TMPRSS12: variants seen among roughly 807,000 people sequenced by gnomAD.
The protein encoded by TMPRSS12 is transmembrane protease serine 12.
A neutral mutation model predicts 26.0 loss-of-function variants in TMPRSS12; 25 were observed. The ratio of observed to expected loss-of-function variants is 0.96; its 90% CI spans 0.70 to 1.34. The LOEUF (loss-of-function observed/expected upper bound fraction) is 1.34. TMPRSS12 is among the 40% of genes most tolerant of loss of function. The pLI, the probability that TMPRSS12 is intolerant of heterozygous loss-of-function variation, is 0.00. For synonymous variants in TMPRSS12, 150 were observed against 161.7 expected, an observed-to-expected ratio of 0.93 and a Z score of 0.55; for missense variants, 441 against 440.1, an observed-to-expected ratio of 1.00 and a Z score of -0.02.
intron 3 of TMPRSS12, among the ~76,000 whole-genome samples, chr12:50,866,313 G>C (rs1484751635): frequency 6.6e-6 from 1 of 152,120 alleles, no homozygotes; most frequent in Admixed American, 6.5e-5. Flanking sequence ...GAGTGAGACT[G>C]GCCCTTTGGA....
At chr12:50,872,284 C>G (rs572938352) in intron 3 of TMPRSS12, among the ~76,000 whole-genome samples, 1 of 151,218 alleles carries the variant, frequency 6.6e-6, no homozygotes, top group Non-Finnish European at 1.5e-5. Flanking sequence ...GAGGCCGAGG[C>G]GGGTGGATCA....
Position 50,843,121 on chromosome 12 carries a change from C to A in TMPRSS12, c.157C>A (p.Arg53=), listed in dbSNP as rs771915335. Residue 53 remains arginine, a synonymous_variant, in exon 1 of 5, where the codon CGG becomes AGG. Transcript: ENST00000398458. ...TGAGGCCGTCCGCAAGAGGCTCCGG[C>A]GGCGGAGGGAGGGAGGGGCGCATGC... ...QAEAVRKRLR[R]RREGGAHAED... is the part of the protein sequence containing the mutation. 6.4e-6 allele frequency: 10 copies of A among 1,574,666 alleles called. No homozygotes were observed. The highest frequency in any genetic ancestry group is 8.6e-6 in the Non-Finnish European group (10 of 1,159,912).
chr12:50,873,591 T>C (rs993045729), intron 3 of TMPRSS12, among the ~76,000 whole-genome samples: 1 of 152,092 alleles, frequency 6.6e-6, no homozygotes, highest in Non-Finnish European at 1.5e-5. Context: ...AATATATAGG[T>C]AAATGTAAAT....
chr12:50,869,622 A>G (rs902257041), intron 3 of TMPRSS12, among the ~76,000 whole-genome samples: 3 of 152,212 alleles, frequency 2.0e-5, no homozygotes, highest in African/African-American at 7.2e-5. Context: ...AGATAGAGAA[A>G]GACAGATTCC....
intron 1 of TMPRSS12, 52 bp from the exon 2 acceptor site, chr12:50,843,790 T>G (rs1454823254): frequency 6.6e-7 from 1 of 1,513,700 alleles, no homozygotes; most frequent in African/African-American, 1.4e-5. Flanking sequence ...GCTTAGGAAG[T>G]AACACATACT....
intron 2 of TMPRSS12, among the ~76,000 whole-genome samples, chr12:50,853,581 CA>C (rs34657217): frequency 0.052 from 5,288 of 102,378 alleles, 349 homozygotes; most frequent in African/African-American, 0.18. Flanking sequence ...GCTAGACTAA[CA>C]AAAAAAAAAA....
chr12:50,871,517 T>C (rs1293005982), intron 3 of TMPRSS12, among the ~76,000 whole-genome samples: 1 of 152,168 alleles, frequency 6.6e-6, no homozygotes, highest in Non-Finnish European at 1.5e-5. Context: ...GGAAAAACCC[T>C]TCTAGATATT....
intron 3 of TMPRSS12, among the ~76,000 whole-genome samples, chr12:50,869,521 C>T (rs1190741844): frequency 1.3e-5 from 2 of 151,940 alleles, no homozygotes; most frequent in Non-Finnish European, 2.9e-5. Flanking sequence ...AATTACCAAC[C>T]ATAAAAATCC....
intron 3 of TMPRSS12, among the ~76,000 whole-genome samples, chr12:50,872,841 T>C (rs553344246): frequency 2.0e-4 from 5 of 24,396 alleles, no homozygotes; most frequent in African/African-American, 3.6e-4. Flanking sequence ...ATATATGACG[T>C]CTATATATGT....
Position 50,843,047 on chromosome 12 carries a change from G to A in TMPRSS12, c.83G>A (p.Arg28Lys). The change falls in exon 1 of 5, where the codon AGG becomes AAG. Residue 28 changes from arginine (R) to lysine (K), a missense_variant. Coordinates refer to ENST00000398458, the MANE Select transcript of TMPRSS12 (RefSeq NM_182559.3). ...LYSDHYSPSG[R>K]HRLGPSPEPA... ...TCAGACCACTACTCGCCCTCTGGAA[G>A]GCACAGGCTCGGCCCCTCGCCGGAA... is the stretch of plus-strand genomic sequence containing the variant. The A allele has an allele frequency of 6.2e-7, 1 of 1,604,082 alleles. No homozygotes were observed. Among genetic ancestry groups the A allele is most frequent in the Non-Finnish European group, 8.5e-7 (1 of 1,175,584 alleles).
intron 2 of TMPRSS12, among the ~76,000 whole-genome samples, chr12:50,845,218 T>C (rs1188634158): frequency 2.0e-5 from 3 of 152,178 alleles, no homozygotes; most frequent in Non-Finnish European, 4.4e-5. Flanking sequence ...CCATGCCAAA[T>C]CCAATGACTT....
At chr12:50,859,087 T>C in intron 3 of TMPRSS12, 34 bp downstream of exon 3, 1 of 1,516,260 alleles carries the variant, frequency 6.6e-7, no homozygotes. Flanking sequence ...GATACACATT[T>C]TCCTGATTAT....
intron 3 of TMPRSS12, among the ~76,000 whole-genome samples, chr12:50,884,542 AT>A (rs1262047235): frequency 2.8e-4 from 42 of 152,292 alleles, no homozygotes; most frequent in Admixed American, 2.7e-3. Context: ...GATGTGAAGA[AT>A]TTGAAACCCT....
At chr12:50,878,731 G>C (rs1242794240) in intron 3 of TMPRSS12, among the ~76,000 whole-genome samples, 6 of 152,276 alleles carry the variant, frequency 3.9e-5, no homozygotes, top group African/African-American at 7.2e-5. Flanking sequence ...ATGATGCTGG[G>C]ACAACTGGAT....
rs1308591765 is a variant in TMPRSS12 at position 50,843,985 on chromosome 12, C to T, written c.331C>T (p.Leu111=). Reference sequence around the variant, plus strand: ...TCTTGTTCATGTATGTGGGGGAACCCTAGTGAGAGAGAGGTGGGTCCTCAC... The same window carrying T: ...TCTTGTTCATGTATGTGGGGGAACCTTAGTGAGAGAGAGGTGGGTCCTCAC... ...RVLVHVCGGT[L]VRERWVLTAA... is the part of the protein sequence containing the mutation. The change falls in exon 2 of 5, where the codon CTA becomes TTA. Residue 111 remains leucine, a synonymous_variant. Coordinates refer to ENST00000398458, the MANE Select transcript of TMPRSS12 (RefSeq NM_182559.3). 6.2e-7 allele frequency: 1 copy of T among 1,606,340 alleles called. No homozygotes were observed. The highest frequency in any genetic ancestry group is 8.5e-7 in the Non-Finnish European group (1 of 1,176,478).
chr12:50,886,803 C>G (rs542551703), intron 4 of TMPRSS12: 11 of 154,852 alleles, frequency 7.1e-5, no homozygotes, highest in African/African-American at 2.6e-4. Context: ...TGCAAGATGC[C>G]AGTTTACTCC....
At chr12:50,849,289 G>A (rs998603652) in intron 2 of TMPRSS12, among the ~76,000 whole-genome samples, 2 of 152,026 alleles carry the variant, frequency 1.3e-5, no homozygotes, top group African/African-American at 2.4e-5. Flanking sequence ...AGGCTTTTTC[G>A]TACAGCCAGT....
intron 3 of TMPRSS12, among the ~76,000 whole-genome samples, chr12:50,880,693 G>A (rs1171630491): frequency 6.6e-6 from 1 of 151,868 alleles, no homozygotes; most frequent in East Asian, 1.9e-4. Context: ...ACTTATGAAC[G>A]CTCATCATAG....
At chr12:50,848,231 G>A (rs984227793) in intron 2 of TMPRSS12, 3 of 150,040 alleles carry the variant, frequency 2.0e-5, no homozygotes, top group African/African-American at 7.3e-5. Flanking sequence ...GATTTATCAA[G>A]TTGGATGCTT....
Sources: allele counts gnomAD v4.1 joint callset (sites outside exome capture counted in the v4.1 genomes callset), GRCh38; gene constraint gnomAD v4.1.1; transcripts MANE v1.5; gene names NCBI Gene and HGNC (gene_info 2026-07-23, HGNC 2026-07-21).